Variants in CHORDC1 observed in about 807,000 individuals in gnomAD.
CHORDC1 encodes cysteine and histidine rich domain containing 1.
A neutral mutation model predicts 48.3 loss-of-function variants in CHORDC1; 25 were observed. The observed-to-expected ratio is 0.52, with a 90% CI of 0.38 to 0.72. The LOEUF (loss-of-function observed/expected upper bound fraction) is 0.72. Ranked by LOEUF, CHORDC1 falls within the 30% of genes least tolerant of loss-of-function variation. The probability of loss-of-function intolerance (pLI) is 0.00; values close to 1 mark genes in which losing one functional copy is unlikely to be tolerated. For missense variants in CHORDC1, 317 were observed against 388.7 expected (o/e 0.82, Z 1.55); for synonymous variants, 128 against 126.4 (o/e 1.01, Z -0.09).
chr11:90,214,123 G>A lies in CHORDC1; in HGVS notation c.224C>T (p.Pro75Leu), dbSNP rs1857943819. 6.2e-7 allele frequency: 1 copy of A among 1,613,276 alleles called. No individual in the cohort carries two copies. Among genetic ancestry groups the A allele is most frequent in the Non-Finnish European group, 8.5e-7 (1 of 1,179,512 alleles). The change falls in exon 4 of 11, where the codon CCT (proline) becomes CTT (leucine). Residue 75 changes from proline to leucine, a missense_variant. Physicochemically the swap from Pro to Leu is moderately conservative, Grantham distance 98. Transcript: ENST00000320585. ...CTTCTTCTCAGTAGTCTTGACTTCAGGTTTGACTGGCTCAGGTGGCTTCTC... is the reference window on the plus strand; with the variant it reads ...CTTCTTCTCAGTAGTCTTGACTTCAAGTTTGACTGGCTCAGGTGGCTTCTC... ...NSEKPPEPVKPEVKTTEKKEL... is the reference protein window; with the variant it reads ...NSEKPPEPVKLEVKTTEKKEL...
In CHORDC1 at chr11:90,206,274, TA is replaced by T; in HGVS notation, c.493-3del. 1.3e-6 allele frequency: 2 copies of T among 1,520,572 alleles called. No homozygotes were observed. The highest frequency in any genetic ancestry group is 1.8e-6 in the Non-Finnish European group (2 of 1,097,214). The allele number at this position is 1,520,572 out of a possible 1,614,324, so 94.2% of individuals were successfully genotyped here. The stretch of plus-strand genomic sequence containing the variant: ...TAGACTCTCTAGACCCTGGTATGTC[TA>T]AAAAGGAAACAAAGAGAAAAAAAAT... On this transcript the variant is annotated splice_region_variant and splice_polypyrimidine_tract_variant and intron_variant, in intron 6 of 10. Transcript: ENST00000320585.
rs1235940496 is a variant in CHORDC1, at chr11:90,201,696, GGTT to G, written c.*706_*708del. The G allele has an allele frequency of 5.2e-5, 8 of 152,448 alleles. No individual in the cohort carries two copies. The East Asian group carries it at 9.7e-4, about 18-fold the overall frequency. The allele number at this position is 152,448 out of a possible 1,614,324, so 9.4% of individuals were successfully genotyped here. ...AACACATTTAAATATTCAGGAAAGA[GGTT>G]GTTAAGATTATTGCTTAGTCTTATA... is the stretch of plus-strand genomic sequence containing the variant. On this transcript the variant is annotated 3_prime_UTR_variant, in exon 11 of 11. Transcript: ENST00000320585.
At chr11:90,212,820 G>A (rs1481326539) in intron 4 of CHORDC1, 2 of 151,234 alleles carry the variant, frequency 1.3e-5, no homozygotes, top group Admixed American at 1.3e-4. Context: ...TGGAGAGACA[G>A]GATCTCTTTC....
At chr11:90,206,765 G>T in intron 6 of CHORDC1, 1 of 1,286,806 alleles carries the variant, frequency 7.8e-7, no homozygotes, top group South Asian at 1.2e-5. Context: ...TATATCCAGG[G>T]TTTGTCTGGA....
intron 8 of CHORDC1, among the ~76,000 whole-genome samples, chr11:90,205,224 A>C (rs995914269): frequency 5.3e-5 from 8 of 152,226 alleles, no homozygotes; most frequent in African/African-American, 1.9e-4. Context: ...TGTCAGGCTT[A>C]AGTATTTCAC....
intron 3 of CHORDC1, among the ~76,000 whole-genome samples, chr11:90,214,471 G>A (rs2135048358): frequency 6.6e-6 from 1 of 152,074 alleles, no homozygotes; most frequent in East Asian, 1.9e-4. Context: ...ACAAAGAACT[G>A]TAAAAAATAG....
rs140875905 is a variant in CHORDC1 at position 90,219,127 on chromosome 11, G to A, written c.65-943C>T. Among the ~76,000 whole-genome samples the A allele has an allele frequency of 4.8e-3, 724 of 152,028 alleles. 6 individuals are homozygous for A. The highest frequency in any genetic ancestry group is 0.048 in the Middle Eastern group (14 of 294). ...CTAAAAATACAAAAATTAGCCGGGC[G>A]TGGTAGTGCATGCCTGTAGTCTCAG... is the stretch of plus-strand genomic sequence containing the variant. On this transcript the variant is annotated intron_variant, in intron 1 of 10. Coordinates refer to ENST00000320585, the MANE Select transcript of CHORDC1 (RefSeq NM_012124.3).
At chr11:90,204,014 A>T (rs1857605801) in intron 8 of CHORDC1, among the ~76,000 whole-genome samples, 1 of 152,014 alleles carries the variant, frequency 6.6e-6, no homozygotes, top group East Asian at 1.9e-4. Context: ...ATTTTTTTTT[A>T]TAGAGGCAAA....
intron 5 of CHORDC1, 165 bp from the exon 6 acceptor site, chr11:90,210,759 T>C: frequency 1.7e-6 from 1 of 583,714 alleles, no homozygotes; most frequent in South Asian, 2.2e-5. Flanking sequence ...TTCTTCTTCT[T>C]TTGAGGACCT....
rs756341365 is a variant in CHORDC1 at position 90,203,293 on chromosome 11, A to G, written c.789+15T>C. 6.4e-6 allele frequency: 10 copies of G among 1,557,434 alleles called. No individual in the cohort carries two copies. Among genetic ancestry groups the G allele is most frequent in the South Asian group, 3.6e-5 (3 of 82,256 alleles). On this transcript the variant is annotated intron_variant, in intron 9 of 10. Coordinates refer to ENST00000320585, the MANE Select transcript of CHORDC1 (RefSeq NM_012124.3). ...TAGAAAAGAACTTTTACCCAAAATTATAAGATGTACTTACCAATGTGCTAT... is the reference window on the plus strand; with the variant it reads ...TAGAAAAGAACTTTTACCCAAAATTGTAAGATGTACTTACCAATGTGCTAT...
intron 9 of CHORDC1, among the ~76,000 whole-genome samples, chr11:90,203,089 TCTA>T (rs1857581658): frequency 1.3e-5 from 2 of 152,164 alleles, no homozygotes; most frequent in Non-Finnish European, 1.5e-5. Context: ...ACTTGATAAA[TCTA>T]CTACAGTATC....
At chr11:90,218,236 AATAT>A in intron 1 of CHORDC1, 52 bp from the exon 2 acceptor site, 1 of 1,327,198 alleles carries the variant, frequency 7.5e-7, no homozygotes. Flanking sequence ...AATGAAGAAA[AATAT>A]ATACATGATC....
intron 2 of CHORDC1, chr11:90,216,359 G>A (rs1188492655): frequency 4.1e-6 from 1 of 245,238 alleles, no homozygotes; most frequent in South Asian, 4.1e-5. Flanking sequence ...GTGAATATAA[G>A]GTTGCTAGTT....
intron 4 of CHORDC1, chr11:90,212,718 T>C (rs1857905640): frequency 6.6e-6 from 1 of 152,202 alleles, no homozygotes; most frequent in South Asian, 2.1e-4. Flanking sequence ...TGTCCTTTTT[T>C]TTCAAAAAGT....
At chr11:90,219,271 A>AAG (rs1253572807) in intron 1 of CHORDC1, among the ~76,000 whole-genome samples, 1 of 151,972 alleles carries the variant, frequency 6.6e-6, no homozygotes, top group Non-Finnish European at 1.5e-5. Context: ...CTTAAAAAAA[A>AAG]CAAACAAAAA....
chr11:90,215,152 A>G (rs1857976620), intron 3 of CHORDC1, 22 bp downstream of exon 3: 1 of 1,332,194 alleles, frequency 7.5e-7, no homozygotes. Context: ...AAGATAATCT[A>G]GAAAAAATAA....
rs945466821 is a variant in CHORDC1, at chr11:90,200,677, T to C, written c.*1728A>G. Among the ~76,000 whole-genome samples the C allele has an allele frequency of 6.6e-6, 1 of 151,928 alleles. No homozygotes were observed. The highest frequency in any genetic ancestry group is 1.5e-5 in the Non-Finnish European group (1 of 67,844). ...GTGTGTGTGTGTATAAATCAATGTT[T>C]TGATCAATGTAACTAATCTGAGGTT... On this transcript the variant is annotated 3_prime_UTR_variant, in exon 11 of 11. Coordinates refer to ENST00000320585, the MANE Select transcript of CHORDC1 (RefSeq NM_012124.3).
At position 90,222,968 on chromosome 11, in the gene CHORDC1, C is replaced by T. The variant is rs768976635; in HGVS notation, c.-14G>A. On this transcript the variant is annotated 5_prime_UTR_variant, in exon 1 of 11. Transcript: ENST00000320585. ...CAGCAAGGCCATTTTCTTTTCCCAC[C>T]GTCACAGGCAAGGCCCAAACACCGG... 1 of 1,611,824 alleles carries T rather than the reference C, an allele frequency of 6.2e-7. No homozygotes were observed. Among genetic ancestry groups the T allele is most frequent in the South Asian group, 1.1e-5 (1 of 91,000 alleles).
At chr11:90,213,816 TATGTA>T (rs928963310) in intron 4 of CHORDC1, 197 bp downstream of exon 4, 43 of 510,752 alleles carry the variant, frequency 8.4e-5, no homozygotes, top group African/African-American at 7.4e-4. Flanking sequence ...GCAAATCTGT[TATGTA>T]GTTATATTGT....
Sources: gnomAD v4.1 joint callset for allele counts (sites outside exome capture counted in the v4.1 genomes callset) on GRCh38, gnomAD v4.1.1 for gene constraint, MANE v1.5 for transcripts, NCBI Gene and HGNC (gene_info 2026-07-23, HGNC 2026-07-21) for gene names.